Variants in ESPN observed in about 807,000 individuals in gnomAD.
ESPN encodes the protein autosomal recessive deafness type 36 protein.
A neutral mutation model predicts 77.7 loss-of-function variants in ESPN; 68 were observed. That is an observed-to-expected ratio of 0.87 (90% CI 0.72 to 1.07). The LOEUF is 1.07. Among genes scored for constraint, ESPN ranks in the 50% least tolerant of loss-of-function variants. The pLI, the probability that ESPN is intolerant of heterozygous loss-of-function variation, is 0.00. For missense variants in ESPN, 1,060 were observed against 1,239.0 expected (o/e 0.86, Z 2.17); for synonymous variants, 449 against 567.1 (o/e 0.79, Z 2.96).
rs1643863017 is a variant in ESPN, at chr1:6,447,047, C to T, written c.1464+1112C>T. ...TCCCAACGCAGACTGTTGGCCCCGC[C>T]CAAATCCACAGGACAGGTGGCCCAG... On this transcript the variant is annotated intron_variant, in intron 7 of 12. Transcript: ENST00000645284. The surrounding 1 kb of genome is among the most constrained non-coding windows in gnomAD (Gnocchi z 5.2). 1 of 152,440 alleles carries T rather than the reference C, an allele frequency of 6.6e-6. No individual in the cohort carries two copies. Among genetic ancestry groups the T allele is most frequent in the Admixed American group, 6.5e-5 (1 of 15,288 alleles). 9.4% of individuals were successfully genotyped at this position (152,440 alleles called of 1,614,324 possible).
In ESPN at chr1:6,450,301, A is replaced by T. The variant is rs1643921592; in HGVS notation, c.1915+1210A>T. On this transcript the variant is annotated intron_variant, in intron 8 of 12. Transcript: ENST00000645284. This position sits in a 1 kb window ranked among gnomAD's most constrained non-coding sequence, Gnocchi z 4.3. ...CCAGAGCAGCCTGAGCCAGGGTCAG[A>T]TGGGCAGAAAAGCTCCTCCTCTCTT... The T allele has an allele frequency of 5.6e-6, 1 of 177,126 alleles. No individual in the cohort carries two copies. The highest frequency in any genetic ancestry group is 1.1e-5 in the Non-Finnish European group (1 of 90,638). 11.0% of individuals were successfully genotyped at this position (177,126 alleles called of 1,614,324 possible). A position where few individuals can be genotyped will look rare whatever the true frequency, so the allele number is the denominator to read the frequency against.
Position 6,428,309 on chromosome 1 carries a change from TG to T in ESPN, c.380del (p.Gly127AlafsTer28), listed in dbSNP as rs755009690. ...AGGTGGTGAACTGGCTCTTGCATCA[TG>T]GCGGTGGGGACCCCACCGCGGCCAC... The part of the protein sequence containing the change: ...PEVVNWLLHH[G>X]GGDPTAATDM... On this transcript the variant is annotated frameshift_variant, in exon 2 of 13. Coordinates refer to ENST00000645284, the MANE Select transcript of ESPN (RefSeq NM_031475.3). LOFTEE classifies it high-confidence loss of function. This position sits in a 1 kb window ranked among gnomAD's most constrained non-coding sequence, Gnocchi z 5.4. The T allele has an allele frequency of 8.1e-6, 13 of 1,613,166 alleles. No individual in the cohort carries two copies. Among genetic ancestry groups the T allele is most frequent in the East Asian group, 2.2e-5 (1 of 44,870 alleles).
At position 6,451,839 on chromosome 1, in the gene ESPN, T is replaced by G; in HGVS notation, c.2068T>G (p.Ser690Ala). 1 of 1,611,404 alleles carries G rather than the reference T, an allele frequency of 6.2e-7. No homozygotes were observed. Among genetic ancestry groups the G allele is most frequent in the Non-Finnish European group, 8.5e-7 (1 of 1,179,334 alleles). ...CCACCGCTTCTCCCTGCAGCCCGAT[T>G]CGCCGCTGCCTTCTGTGTCACCTGC... ...GIGQPAFQPD[S>A]PLPSVSPALS... is the part of the protein sequence containing the mutation. Residue 690 changes from serine (S) to alanine (A), a missense_variant, in exon 10 of 13, where the codon TCG becomes GCG. Ser to Ala is a moderately conservative substitution (Grantham distance 99). Coordinates refer to ENST00000645284, the MANE Select transcript of ESPN (RefSeq NM_031475.3). The surrounding 1 kb of genome is among the most constrained non-coding windows in gnomAD (Gnocchi z 4.3).
In ESPN at chr1:6,460,333, G is replaced by C. The variant is rs1434094548; in HGVS notation, c.*187G>C. The C allele has an allele frequency of 1.4e-6, 1 of 690,958 alleles. No individual in the cohort carries two copies. The allele number at this position is 690,958 out of a possible 1,614,324, so 42.8% of individuals were successfully genotyped here. On this transcript the variant is annotated 3_prime_UTR_variant, in exon 13 of 13. Transcript: ENST00000645284. ...TTGGCAACACTGGAGTGCACACGCC[G>C]CCACGGTTGCCCAGAAAAAGTGCCC... is the stretch of plus-strand genomic sequence containing the variant.
intron 5 of ESPN, among the ~76,000 whole-genome samples, chr1:6,443,599 C>A (rs1643723819): frequency 1.3e-5 from 2 of 152,222 alleles, no homozygotes; most frequent in Admixed American, 6.5e-5. Flanking sequence ...CCAAGCAGGC[C>A]CAGCTGCGGC....
At position 6,457,212 on chromosome 1, in the gene ESPN, G is replaced by T; in HGVS notation, c.2354G>T (p.Ser785Ile). The change falls in exon 11 of 13, where the codon AGC (serine) becomes ATC (isoleucine). Residue 785 changes from serine (S) to isoleucine (I), a missense_variant. Physicochemically the swap from Ser to Ile is moderately radical, Grantham distance 142 (BLOSUM62 -2). Coordinates refer to ENST00000645284, the MANE Select transcript of ESPN (RefSeq NM_031475.3). ...GAGGAGGAGGAGGCCCGGCTGGCCA[G>T]CATGCCCGCCTGGAGGCGGGACCTC... ...KEEEEEARLA[S>I]MPAWRRDLLR... is the part of the protein sequence containing the mutation. 2.5e-6 allele frequency: 4 copies of T among 1,610,930 alleles called. No individual in the cohort carries two copies. The highest frequency in any genetic ancestry group is 2.5e-6 in the Non-Finnish European group (3 of 1,178,528).
Position 6,440,761 on chromosome 1 carries a change from TG to T in ESPN, c.815del (p.Gly272AlafsTer14). The T allele has an allele frequency of 6.5e-7, 1 of 1,531,438 alleles. No homozygotes were observed. Among genetic ancestry groups the T allele is most frequent in the African/African-American group, 1.4e-5 (1 of 70,258 alleles). The allele number at this position is 1,531,438 out of a possible 1,614,324, so 94.9% of individuals were successfully genotyped here. On this transcript the variant is annotated frameshift_variant, in exon 4 of 13. Transcript: ENST00000645284. LOFTEE classifies it high-confidence loss of function. ...CGGCGGGGAGATCTCGGCTGACCTGTGGGGCGGGACCCCGCTGCACGACGCC... is the reference window on the plus strand; with the variant it reads ...CGGCGGGGAGATCTCGGCTGACCTGTGGGCGGGACCCCGCTGCACGACGCC... Reference protein sequence around the residue: ...LHGGEISADLWGGTPLHDAAE... With the variant: ...LHGGEISADLXGGTPLHDAAE...
chr1:6,448,984 C>T lies in ESPN; in HGVS notation c.1808C>T (p.Pro603Leu), dbSNP rs961578280. 4.5e-5 allele frequency: 65 copies of T among 1,440,264 alleles called. No homozygotes were observed. The highest frequency in any genetic ancestry group is 5.0e-5 in the Non-Finnish European group (55 of 1,103,010). 89.2% of individuals were successfully genotyped at this position (1,440,264 alleles called of 1,614,324 possible). ...RELPPPPPPPPPPLPEAASSP... is the reference protein window; with the variant it reads ...RELPPPPPPPLPPLPEAASSP... ...CTGCCACCGCCGCCCCCACCGCCGC[C>T]GCCGCCCCTGCCGGAGGCCGCGAGT... is the stretch of plus-strand genomic sequence containing the variant. Residue 603 changes from proline to leucine, a missense_variant, in exon 8 of 13, where the codon CCG (proline) becomes CTG (leucine). Physicochemically the swap from Pro to Leu is moderately conservative, Grantham distance 98. This residue lies in a region of ESPN where 374 missense variants were observed against 381.4 expected (regional missense o/e 0.98). Transcript: ENST00000645284.
At position 6,459,983 on chromosome 1, in the gene ESPN, C is replaced by T. The variant is rs771543833; in HGVS notation, c.2418-16C>T. On this transcript the variant is annotated splice_polypyrimidine_tract_variant and intron_variant, in intron 12 of 12. Transcript: ENST00000645284. ...CCCAGACTTCACCGGGTCTGCCCCCCTCCCCACTGCCTCAGGAAAGAGGAG... is the reference window on the plus strand; with the variant it reads ...CCCAGACTTCACCGGGTCTGCCCCCTTCCCCACTGCCTCAGGAAAGAGGAG... 4 of 1,613,164 alleles carry T rather than the reference C, an allele frequency of 2.5e-6. No individual in the cohort carries two copies. In the South Asian group the frequency reaches 3.3e-5, roughly 13 times the overall value.
chr1:6,455,504 G>T (rs1268094012), intron 10 of ESPN: 1 of 397,818 alleles, frequency 2.5e-6, no homozygotes, highest in African/African-American at 2.1e-5. Flanking sequence ...CGGTGGGCAA[G>T]CTGCTGGGCC....
At chr1:6,459,624 C>T (rs1644120074) in intron 12 of ESPN, among the ~76,000 whole-genome samples, 1 of 152,120 alleles carries the variant, frequency 6.6e-6, no homozygotes, top group Non-Finnish European at 1.5e-5. Context: ...CAGCCCCACC[C>T]CAGTCCTCAA....
chr1:6,445,434 C>T, intron 6 of ESPN: 1 of 628,674 alleles, frequency 1.6e-6, no homozygotes, highest in South Asian at 1.8e-5. Flanking sequence ...TCCAGTGCTT[C>T]CCCTCCAAAC....
In ESPN at chr1:6,457,390, C is replaced by T. The variant is rs947435921; in HGVS notation, c.2417+18C>T. 1 of 1,614,170 alleles carries T rather than the reference C, an allele frequency of 6.2e-7. No individual in the cohort carries two copies. Among genetic ancestry groups the T allele is most frequent in the African/African-American group, 1.3e-5 (1 of 75,036 alleles). On this transcript the variant is annotated intron_variant, in intron 12 of 12. Coordinates refer to ENST00000645284, the MANE Select transcript of ESPN (RefSeq NM_031475.3). Reference sequence around the variant, plus strand: ...CAGAAGCGGTGAGTGCAGGGCTGGCCCCAACCTGCCACCCTTATCCCCACC... The same window carrying T: ...CAGAAGCGGTGAGTGCAGGGCTGGCTCCAACCTGCCACCCTTATCCCCACC...
intron 7 of ESPN, 173 bp from the exon 8 acceptor site, chr1:6,448,468 A>G (rs1643888698): frequency 3.6e-6 from 2 of 559,390 alleles, no homozygotes; most frequent in Non-Finnish European, 6.1e-6. Flanking sequence ...CGAGGCCCCC[A>G]TGACCCTCGC....
chr1:6,452,298 A>G (rs1643962992), intron 10 of ESPN, among the ~76,000 whole-genome samples: 1 of 150,984 alleles, frequency 6.6e-6, no homozygotes, highest in Non-Finnish European at 1.5e-5. Context: ...TTCGCCTCCC[A>G]GGTTCAAATG....
chr1:6,446,056 T>C lies in ESPN; in HGVS notation c.1464+121T>C, dbSNP rs1569690500. 3.4e-5 allele frequency: 34 copies of C among 1,000,876 alleles called. No individual in the cohort carries two copies. The East Asian group carries it at 8.1e-4, about 24-fold the overall frequency. The allele number at this position is 1,000,876 out of a possible 1,614,324, so 62.0% of individuals were successfully genotyped here. On this transcript the variant is annotated intron_variant, in intron 7 of 12. Transcript: ENST00000645284. ...GGTGGGGATCCCTGGGTCCATGGCA[T>C]GTTCAAGAGTCAAAGCTCCTGGCGA...
chr1:6,454,057 G>A (rs1375772429), intron 10 of ESPN, among the ~76,000 whole-genome samples: 4 of 152,222 alleles, frequency 2.6e-5, no homozygotes, highest in Admixed American at 2.0e-4. Flanking sequence ...GCCGCCCTCG[G>A]ATGGGTTGGG....
intron 3 of ESPN, 70 bp downstream of exon 3, chr1:6,440,510 C>CG (rs1436022474): frequency 3.2e-6 from 3 of 944,356 alleles, no homozygotes; most frequent in Non-Finnish European, 4.1e-6. Context: ...GTGGAGGGAG[C>CG]GGGGCCATCA....
intron 8 of ESPN, 52 bp downstream of exon 8, chr1:6,449,143 A>G: frequency 2.1e-6 from 3 of 1,414,834 alleles, no homozygotes; most frequent in East Asian, 3.0e-5. Context: ...CTGAAAGGGG[A>G]GGGAAATCTA....
Sources: allele counts gnomAD v4.1 joint callset (sites outside exome capture counted in the v4.1 genomes callset), GRCh38; gene constraint gnomAD v4.1.1; regional missense constraint gnomAD v4.1.1; non-coding constraint Gnocchi (gnomAD v3.1); transcripts MANE v1.5; gene names NCBI Gene and HGNC (gene_info 2026-07-23, HGNC 2026-07-21).